MMP26: variants seen among roughly 807,000 people sequenced by gnomAD.
MMP26 encodes the protein matrix metallopeptidase 26.
MMP26 carries 33 observed loss-of-function variants against 31.0 expected under a neutral mutation model. The observed-to-expected ratio is 1.06, with a 90% CI of 0.81 to 1.42. The LOEUF (loss-of-function observed/expected upper bound fraction) is 1.42. Ranked by LOEUF, MMP26 falls within the 40% of genes most tolerant of loss-of-function variation. The pLI is 0.00. For synonymous variants in MMP26, 122 were observed against 114.9 expected (o/e 1.06, Z -0.40); for missense variants, 347 against 316.1 (o/e 1.10, Z -0.74).
chr11:4,713,630 T>C (rs1242587324), intron 1 of MMP26, among the ~76,000 whole-genome samples: 1 of 152,122 alleles, frequency 6.6e-6, no homozygotes, highest in African/African-American at 2.4e-5. Context: ...ATATGAAAGA[T>C]ACTTCAAATG....
chr11:4,882,658 C>A (rs1342601909), intron 2 of MMP26: 1 of 1,613,942 alleles, frequency 6.2e-7, no homozygotes, highest in South Asian at 1.1e-5. Flanking sequence ...TCACTATTTT[C>A]TATGTGCCAC....
chr11:4,891,781 A>C (rs988850670), intron 2 of MMP26, among the ~76,000 whole-genome samples: 1 of 152,206 alleles, frequency 6.6e-6, no homozygotes, highest in African/African-American at 2.4e-5. Context: ...TCTATAGCTC[A>C]ACATACACTT....
At chr11:4,988,837 A>G (rs1846946691) in intron 3 of MMP26, among the ~76,000 whole-genome samples, 1 of 152,240 alleles carries the variant, frequency 6.6e-6, no homozygotes, top group East Asian at 1.9e-4. Context: ...ATAGGAACCT[A>G]GTCAAATTTC....
intron 2 of MMP26, among the ~76,000 whole-genome samples, chr11:4,837,593 A>G (rs970306516): frequency 6.6e-6 from 1 of 152,220 alleles, no homozygotes; most frequent in African/African-American, 2.4e-5. Flanking sequence ...AAAATAATCA[A>G]TAATATGTGA....
chr11:4,901,150 T>C (rs1286921500), intron 2 of MMP26, among the ~76,000 whole-genome samples: 1 of 4,774 alleles, frequency 2.1e-4, no homozygotes, highest in African/African-American at 3.6e-4. Flanking sequence ...CTCTTTGTGC[T>C]TTTTTTTTTT....
intron 2 of MMP26, among the ~76,000 whole-genome samples, chr11:4,901,329 T>G (rs551300995): frequency 6.6e-6 from 1 of 151,834 alleles, no homozygotes; most frequent in Admixed American, 6.6e-5. Flanking sequence ...CTGGCTAATT[T>G]TTTTGTATTT....
intron 2 of MMP26, chr11:4,822,119 C>G: frequency 6.2e-7 from 1 of 1,613,934 alleles, no homozygotes; most frequent in Non-Finnish European, 8.5e-7. Context: ...ATTGCTTCCT[C>G]AGAAGAGAGG....
At chr11:4,725,815 G>T (rs900656133) in intron 1 of MMP26, among the ~76,000 whole-genome samples, 1 of 152,172 alleles carries the variant, frequency 6.6e-6, no homozygotes, top group African/African-American at 2.4e-5. Flanking sequence ...AGAGTAAAAA[G>T]AATTGCAGTT....
intron 1 of MMP26, among the ~76,000 whole-genome samples, chr11:4,759,527 CTT>C (rs1848547139): frequency 6.6e-6 from 1 of 152,144 alleles, no homozygotes; most frequent in South Asian, 2.1e-4. Context: ...ACTTTGCACA[CTT>C]AACCCTCAAA....
At chr11:4,875,212 C>G (rs191116777) in intron 2 of MMP26, 30 of 152,018 alleles carry the variant, frequency 2.0e-4, no homozygotes, top group African/African-American at 7.2e-4. Flanking sequence ...CAGCTTAGGA[C>G]AGAGAAATCT....
intron 2 of MMP26, among the ~76,000 whole-genome samples, chr11:4,912,332 T>C (rs760797390): frequency 3.9e-5 from 6 of 152,200 alleles, no homozygotes; most frequent in Non-Finnish European, 8.8e-5. Flanking sequence ...AAGTTTAGTA[T>C]ACTTGCTACT....
chr11:4,714,573 A>T (rs752138092), intron 1 of MMP26, among the ~76,000 whole-genome samples: 3 of 152,162 alleles, frequency 2.0e-5, no homozygotes, highest in African/African-American at 7.2e-5. Flanking sequence ...TAATCCTTAC[A>T]AAGTAGTGCC....
At chr11:4,986,960 C>CCTCT (rs149249645) in intron 2 of MMP26, among the ~76,000 whole-genome samples, 1 of 53,336 alleles carries the variant, frequency 1.9e-5, no homozygotes, top group Non-Finnish European at 3.7e-5. Flanking sequence ...TCTCTCTCTC[C>CCTCT]CTCTCTCTCT....
chr11:4,919,665 G>A (rs573112553), intron 2 of MMP26, among the ~76,000 whole-genome samples: 3 of 152,232 alleles, frequency 2.0e-5, no homozygotes, highest in East Asian at 1.9e-4. Context: ...GTGTGATATG[G>A]CATAACCCCA....
intron 2 of MMP26, among the ~76,000 whole-genome samples, chr11:4,939,954 C>T (rs1013288398): frequency 6.6e-6 from 1 of 151,986 alleles, no homozygotes; most frequent in Admixed American, 6.6e-5. Context: ...TAGACTGTGG[C>T]CATTTGTGTT....
intron 2 of MMP26, chr11:4,943,411 G>A (rs1030999386): frequency 2.2e-6 from 1 of 453,702 alleles, no homozygotes; most frequent in Admixed American, 2.4e-5. Flanking sequence ...TAGGTGCTGT[G>A]TAGGTGAGCT....
At chr11:4,711,074 A>G (rs761677132) in intron 1 of MMP26, 3 of 152,442 alleles carry the variant, frequency 2.0e-5, no homozygotes, top group Non-Finnish European at 4.4e-5. Flanking sequence ...CTGGGGGTCC[A>G]TTGTCTAAAT....
intron 2 of MMP26, among the ~76,000 whole-genome samples, chr11:4,799,473 C>T (rs910003890): frequency 5.9e-5 from 9 of 152,100 alleles, no homozygotes; most frequent in African/African-American, 1.9e-4. Flanking sequence ...CATGAGAGAT[C>T]GACCCTCATG....
chr11:4,855,440 G>A (rs12796895), intron 2 of MMP26, among the ~76,000 whole-genome samples: 14,582 of 152,200 alleles, frequency 0.096, 897 homozygotes, highest in Middle Eastern at 0.18. Context: ...AGCTTCAGTA[G>A]ACGATTCGAT....
Sources: gnomAD v4.1 joint callset for allele counts (sites outside exome capture counted in the v4.1 genomes callset) on GRCh38, gnomAD v4.1.1 for gene constraint, MANE v1.5 for transcripts, NCBI Gene and HGNC (gene_info 2026-07-23, HGNC 2026-07-21) for gene names.